Variants in ZNF724 observed in about 807,000 individuals in gnomAD.
ZNF724 encodes zinc finger protein 724, also known as zinc finger protein 724 pseudogene.
Under a neutral mutation model 29.3 loss-of-function variants are expected in ZNF724, and 14 were observed. The ratio of observed to expected loss-of-function variants is 0.48; its 90% CI spans 0.32 to 0.75. ZNF724 has a LOEUF of 0.75. Ranked by LOEUF, ZNF724 falls within the 30% of genes least tolerant of loss-of-function variation. The pLI is 0.04. For missense variants in ZNF724, 557 were observed against 571.2 expected (o/e 0.98, Z 0.25); for synonymous variants, 180 against 193.6 (o/e 0.93, Z 0.58).
intron 1 of ZNF724, among the ~76,000 whole-genome samples, chr19:23,241,199 C>A (rs545743732): frequency 6.6e-6 from 1 of 152,060 alleles, no homozygotes; most frequent in African/African-American, 2.4e-5. Context: ...TCTCTCAAGA[C>A]CAAACAAGTT....
chr19:23,250,148 CTG>C (rs1972326694), intron 1 of ZNF724, 90 bp downstream of exon 1: 2 of 555,866 alleles, frequency 3.6e-6, no homozygotes, highest in South Asian at 1.4e-5. Context: ...GTGGAGATGA[CTG>C]CGGGGAGGCC....
intron 1 of ZNF724, among the ~76,000 whole-genome samples, chr19:23,243,538 A>G (rs1167470445): frequency 6.6e-6 from 1 of 151,434 alleles, no homozygotes; most frequent in East Asian, 1.9e-4. Flanking sequence ...CAAATGCACT[A>G]TCTCATTTAT....
At chr19:23,224,096 C>T (rs1599635040) in intron 3 of ZNF724, 78 bp from the exon 4 acceptor site, 1 of 580,156 alleles carries the variant, frequency 1.7e-6, no homozygotes, top group East Asian at 2.8e-5. Context: ...ACCTACAAAA[C>T]TATACAAACT....
rs1167548210 is a variant in ZNF724, at chr19:23,222,653, T to C, written c.1592A>G (p.Glu531Gly). Residue 531 changes from glutamate to glycine, a missense_variant, in exon 4 of 4, where the codon GAG (glutamate) becomes GGG (glycine). This residue lies in a region of ZNF724 where 170 missense variants were observed against 220.7 expected (regional missense o/e 0.77). Transcript: ENST00000418100. The stretch of plus-strand genomic sequence containing the variant: ...ACATTCTTCACATTTGTAGGGTTTC[T>C]CTCCAGCATGAATTATCTTATGTCT... ...LARHKIIHAG[E>G]KPYKCEECGK... 2.9e-6 allele frequency: 4 copies of C among 1,365,964 alleles called. No individual in the cohort carries two copies. The highest frequency in any genetic ancestry group is 2.4e-5 in the South Asian group (2 of 85,100). 84.6% of individuals were successfully genotyped at this position (1,365,964 alleles called of 1,614,324 possible). A position where few individuals can be genotyped will look rare whatever the true frequency, so the allele number is the denominator to read the frequency against.
At chr19:23,240,628 C>T (rs758527351) in intron 1 of ZNF724, among the ~76,000 whole-genome samples, 1 of 148,350 alleles carries the variant, frequency 6.7e-6, no homozygotes, top group African/African-American at 2.5e-5. Context: ...GATTTAAGCA[C>T]ATAATTGCTT....
intron 1 of ZNF724, among the ~76,000 whole-genome samples, chr19:23,247,160 C>T (rs577514982): frequency 6.6e-6 from 1 of 152,092 alleles, no homozygotes; most frequent in East Asian, 1.9e-4. Flanking sequence ...TAGTCAGAGG[C>T]TGCAGTGAGC....
chr19:23,237,610 A>C (rs1343145232), intron 1 of ZNF724, among the ~76,000 whole-genome samples: 1 of 151,840 alleles, frequency 6.6e-6, no homozygotes. Context: ...TGTAGAAAAT[A>C]CCGTATAATT....
chr19:23,235,648 T>C (rs1180139107), intron 1 of ZNF724, among the ~76,000 whole-genome samples: 2 of 152,050 alleles, frequency 1.3e-5, no homozygotes, highest in African/African-American at 2.4e-5. Flanking sequence ...CAGACCGAAA[T>C]AAGAAGTAAA....
chr19:23,244,870 T>C lies in ZNF724; in HGVS notation c.3+5370A>G, dbSNP rs576171830. Among the ~76,000 whole-genome samples the C allele has an allele frequency of 3.3e-5, 5 of 152,290 alleles. No homozygotes were observed. In the South Asian group the frequency reaches 8.3e-4, roughly 25 times the overall value. ...AACTTGCTCAAGTTCAATAACTTAATAGTGCTATACACAGTACTTAGAAAA... is the reference window on the plus strand; with the variant it reads ...AACTTGCTCAAGTTCAATAACTTAACAGTGCTATACACAGTACTTAGAAAA... On this transcript the variant is annotated intron_variant, in intron 1 of 3. Coordinates refer to ENST00000418100, the MANE Select transcript of ZNF724 (RefSeq NM_001355404.2).
At chr19:23,249,914 C>G (rs1048972455) in intron 1 of ZNF724, among the ~76,000 whole-genome samples, 4 of 152,180 alleles carry the variant, frequency 2.6e-5, no homozygotes, top group Admixed American at 2.6e-4. Flanking sequence ...ACCCGCTCCC[C>G]GAGTCAGGAT....
rs149470248 is a variant in ZNF724, at chr19:23,225,601, G to A, written c.227-1583C>T. On this transcript the variant is annotated intron_variant, in intron 3 of 3. Transcript: ENST00000418100. Reference sequence around the variant, plus strand: ...AGCCTGGGCAACAAAGCAAGACTCCGTCTCAAAAAACAAAAAACAAACAAA... The same window carrying A: ...AGCCTGGGCAACAAAGCAAGACTCCATCTCAAAAAACAAAAAACAAACAAA... Among the ~76,000 whole-genome samples, 546 of 152,038 alleles carry A rather than the reference G, an allele frequency of 3.6e-3. 5 individuals carry two copies. The highest frequency in any genetic ancestry group is 0.028 in the South Asian group (135 of 4,810).
Position 23,222,932 on chromosome 19 carries a change from G to GT in ZNF724, c.1312dup (p.Thr438AsnfsTer4). The GT allele has an allele frequency of 7.2e-7, 1 of 1,387,134 alleles. No homozygotes were observed. Among genetic ancestry groups the GT allele is most frequent in the East Asian group, 2.3e-5 (1 of 43,800 alleles). The allele number at this position is 1,387,134 out of a possible 1,614,324, so 85.9% of individuals were successfully genotyped here. A position where few individuals can be genotyped will look rare whatever the true frequency, so the allele number is the denominator to read the frequency against. On this transcript the variant is annotated frameshift_variant, in exon 4 of 4. Coordinates refer to ENST00000418100, the MANE Select transcript of ZNF724 (RefSeq NM_001355404.2). LOFTEE classifies it high-confidence loss of function. ...TCCAGTATGAATTATCTTATGTGTA[G>GT]TAAGTTGTGAGAACTGGTTAAAGGC...
chr19:23,222,352 C>T lies in ZNF724; in HGVS notation c.*33G>A, dbSNP rs547241802. The T allele has an allele frequency of 5.8e-6, 5 of 860,330 alleles. No individual in the cohort carries two copies. Among genetic ancestry groups the T allele is most frequent in the Non-Finnish European group, 9.2e-6 (5 of 543,474 alleles). 53.3% of individuals were successfully genotyped at this position (860,330 alleles called of 1,614,324 possible). ...TTGGCCTCCCAAAGTGCTGGGATTA[C>T]AGGTGTGAGCCACCACGCCTGGTCC... On this transcript the variant is annotated 3_prime_UTR_variant, in exon 4 of 4. Transcript: ENST00000418100.
chr19:23,239,793 G>A (rs1029055154), intron 1 of ZNF724, among the ~76,000 whole-genome samples: 1 of 152,014 alleles, frequency 6.6e-6, no homozygotes, highest in Non-Finnish European at 1.5e-5. Flanking sequence ...GCTAGGCAAC[G>A]CAGCGAGACT....
intron 3 of ZNF724, among the ~76,000 whole-genome samples, chr19:23,227,653 T>C (rs898663527): frequency 6.6e-5 from 10 of 151,622 alleles, no homozygotes; most frequent in Non-Finnish European, 1.3e-4. Flanking sequence ...GCCTCTGATA[T>C]ATAAAACAAA....
intron 1 of ZNF724, among the ~76,000 whole-genome samples, chr19:23,242,215 G>T (rs1031748915): frequency 3.3e-5 from 5 of 152,110 alleles, no homozygotes; most frequent in Admixed American, 6.6e-5. Flanking sequence ...ACTGCTCAAA[G>T]AAGTCAGAGA....
At chr19:23,233,566 G>C (rs531193956) in intron 1 of ZNF724, among the ~76,000 whole-genome samples, 7 of 152,062 alleles carry the variant, frequency 4.6e-5, no homozygotes, top group Admixed American at 3.3e-4. Context: ...AATTAATGGT[G>C]ATAATTTTGC....
chr19:23,249,547 C>CAA (rs1206363902), intron 1 of ZNF724, among the ~76,000 whole-genome samples: 124 of 152,214 alleles, frequency 8.1e-4, no homozygotes, highest in African/African-American at 3.0e-3. Context: ...TACAGGACCG[C>CAA]GCCACCACGC....
intron 1 of ZNF724, among the ~76,000 whole-genome samples, chr19:23,242,182 C>G (rs1393005469): frequency 6.6e-6 from 1 of 152,142 alleles, no homozygotes; most frequent in Non-Finnish European, 1.5e-5. Flanking sequence ...AGTGAAAGAT[C>G]TCTACGACAA....
Sources: allele counts gnomAD v4.1 joint callset (sites outside exome capture counted in the v4.1 genomes callset), GRCh38; gene constraint gnomAD v4.1.1; regional missense constraint gnomAD v4.1.1; transcripts MANE v1.5; gene names NCBI Gene and HGNC (gene_info 2026-07-23, HGNC 2026-07-21).